The following FSTL5 variants were observed in gnomAD, a reference collection of about 807,000 sequenced individuals.
FSTL5 encodes the protein follistatin like 5, also known as follistatin-related protein 5.
FSTL5 carries 62 observed loss-of-function variants against 89.1 expected under a neutral mutation model. That is an observed-to-expected ratio of 0.70 (90% CI 0.57 to 0.86). The LOEUF (loss-of-function observed/expected upper bound fraction) is 0.86. FSTL5 is among the 40% of genes least tolerant of loss of function. The pLI is 0.00. For missense variants in FSTL5, 1,057 were observed against 1,001.6 expected (o/e 1.06, Z -0.75); for synonymous variants, 383 against 346.2 (o/e 1.11, Z -1.18).
chr4:161,591,695 A>G (rs1472378338), intron 7 of FSTL5, among the ~76,000 whole-genome samples: 1 of 152,246 alleles, frequency 6.6e-6, no homozygotes, highest in Non-Finnish European at 1.5e-5. Flanking sequence ...CTAATTAACC[A>G]CAGATTATCA....
At chr4:161,600,973 A>G (rs748869321) in intron 7 of FSTL5, among the ~76,000 whole-genome samples, 1 of 152,160 alleles carries the variant, frequency 6.6e-6, no homozygotes, top group Non-Finnish European at 1.5e-5. Flanking sequence ...GAGACAAGAC[A>G]CCGGCAATTA....
intron 13 of FSTL5, among the ~76,000 whole-genome samples, chr4:161,478,924 A>C (rs1368060137): frequency 1.3e-5 from 2 of 152,152 alleles, no homozygotes; most frequent in Non-Finnish European, 2.9e-5. Context: ...TGTAAAGCAC[A>C]AATAGCCAGA....
At chr4:162,090,645 A>C (rs1730512170) in intron 2 of FSTL5, among the ~76,000 whole-genome samples, 1 of 151,996 alleles carries the variant, frequency 6.6e-6, no homozygotes, top group Non-Finnish European at 1.5e-5. Flanking sequence ...ACAGCGTGAA[A>C]TCCCATCTCT....
At chr4:161,703,188 A>T (rs921840593) in intron 6 of FSTL5, among the ~76,000 whole-genome samples, 28 of 152,024 alleles carry the variant, frequency 1.8e-4, no homozygotes, top group African/African-American at 6.5e-4. Flanking sequence ...TGAGAAAAAT[A>T]TATATCTCTT....
At chr4:161,878,239 G>A (rs1218534055) in intron 4 of FSTL5, among the ~76,000 whole-genome samples, 1 of 152,076 alleles carries the variant, frequency 6.6e-6, no homozygotes, top group Non-Finnish European at 1.5e-5. Flanking sequence ...ATGAGTCACA[G>A]TTTATTTGTA....
At chr4:161,836,148 T>C (rs1324728741) in intron 4 of FSTL5, among the ~76,000 whole-genome samples, 1 of 151,996 alleles carries the variant, frequency 6.6e-6, no homozygotes, top group Non-Finnish European at 1.5e-5. Flanking sequence ...GCTCATGTCC[T>C]TTGTAGGGAC....
chr4:161,601,720 A>G (rs1201046295), intron 7 of FSTL5, among the ~76,000 whole-genome samples: 1 of 152,130 alleles, frequency 6.6e-6, no homozygotes, highest in Non-Finnish European at 1.5e-5. Context: ...AATTTTATCA[A>G]TTAATACAGC....
intron 2 of FSTL5, among the ~76,000 whole-genome samples, chr4:162,074,964 A>G (rs1729776861): frequency 6.6e-6 from 1 of 151,810 alleles, no homozygotes; most frequent in African/African-American, 2.4e-5. Flanking sequence ...AGTGTCGAAT[A>G]GCTCATGTCA....
intron 9 of FSTL5, among the ~76,000 whole-genome samples, chr4:161,538,695 G>A (rs1731717900): frequency 6.6e-6 from 1 of 152,052 alleles, no homozygotes; most frequent in African/African-American, 2.4e-5. Flanking sequence ...AAATGTATAT[G>A]AAAGATGTTT....
intron 4 of FSTL5, among the ~76,000 whole-genome samples, chr4:161,794,080 A>T (rs977391985): frequency 6.6e-6 from 1 of 152,198 alleles, no homozygotes; most frequent in Non-Finnish European, 1.5e-5. Flanking sequence ...GGCATACTGA[A>T]TGAGAAAATA....
At chr4:161,833,610 G>T (rs1730924108) in intron 4 of FSTL5, among the ~76,000 whole-genome samples, 1 of 151,936 alleles carries the variant, frequency 6.6e-6, no homozygotes. Flanking sequence ...TCTTCTTGTT[G>T]AATTAATCCT....
intron 1 of FSTL5, among the ~76,000 whole-genome samples, chr4:162,161,738 A>G (rs977384636): frequency 4.6e-5 from 7 of 152,006 alleles, no homozygotes; most frequent in Non-Finnish European, 1.0e-4. Flanking sequence ...TGCCTTTCAA[A>G]TAAGTTATAA....
chr4:161,431,515 C>T (rs1439459434), intron 15 of FSTL5, among the ~76,000 whole-genome samples: 1 of 149,470 alleles, frequency 6.7e-6, no homozygotes, highest in Non-Finnish European at 1.5e-5. Context: ...GAAAAAATCA[C>T]CTTCACTTAA....
chr4:161,667,039 CAAT>C (rs1235781605), intron 6 of FSTL5, among the ~76,000 whole-genome samples: 1 of 151,920 alleles, frequency 6.6e-6, no homozygotes, highest in Non-Finnish European at 1.5e-5. Context: ...AAAGACAGTA[CAAT>C]ACTACAGACA....
intron 15 of FSTL5, among the ~76,000 whole-genome samples, chr4:161,414,061 C>A (rs1731690959): frequency 6.6e-6 from 1 of 151,944 alleles, no homozygotes. Context: ...CCCCTTGTAT[C>A]TAAAATAAAA....
chr4:161,645,290 T>G (rs1302511288), intron 7 of FSTL5, among the ~76,000 whole-genome samples: 1 of 152,140 alleles, frequency 6.6e-6, no homozygotes, highest in African/African-American at 2.4e-5. Flanking sequence ...TTAATATTCC[T>G]TATGAACATG....
chr4:161,764,664 A>T (rs926873767), intron 5 of FSTL5, among the ~76,000 whole-genome samples: 5 of 152,168 alleles, frequency 3.3e-5, no homozygotes, highest in African/African-American at 1.2e-4. Context: ...AGCCAACTTT[A>T]ATTTTTTTGA....
At chr4:161,495,795 A>C (rs1730048538) in intron 12 of FSTL5, among the ~76,000 whole-genome samples, 1 of 152,078 alleles carries the variant, frequency 6.6e-6, no homozygotes, top group Non-Finnish European at 1.5e-5. Context: ...TATTATATTC[A>C]TATTTAATCC....
intron 2 of FSTL5, among the ~76,000 whole-genome samples, chr4:162,093,034 G>A (rs1730612079): frequency 6.6e-6 from 1 of 151,208 alleles, no homozygotes; most frequent in Non-Finnish European, 1.5e-5. Flanking sequence ...ATAAGCATAG[G>A]GAATTGAAAT....
Sources: gnomAD v4.1 joint callset for allele counts (sites outside exome capture counted in the v4.1 genomes callset) on GRCh38, gnomAD v4.1.1 for gene constraint, MANE v1.5 for transcripts, NCBI Gene and HGNC (gene_info 2026-07-23, HGNC 2026-07-21) for gene names.